TRPA1: variants seen among roughly 807,000 people sequenced by gnomAD.
TRPA1 encodes the protein ankyrin-like with transmembrane domains 1.
Under a neutral mutation model 131.3 loss-of-function variants are expected in TRPA1, and 129 were observed. The observed-to-expected ratio is 0.98, with a 90% confidence interval of 0.85 to 1.14. The LOEUF (loss-of-function observed/expected upper bound fraction) is 1.14, where lower values mean the gene tolerates loss of function less well. Ranked by LOEUF, TRPA1 falls within the 50% of genes most tolerant of loss-of-function variation. The pLI is 0.00. For missense variants in TRPA1, 1,304 were observed against 1,354.2 expected (o/e 0.96, Z 0.58); for synonymous variants, 441 against 451.7 (o/e 0.98, Z 0.30).
intron 7 of TRPA1, chr8:72,060,486 T>A (rs940863378): frequency 3.3e-5 from 5 of 152,196 alleles, no homozygotes; most frequent in Admixed American, 6.5e-5. Context: ...ATGGCTTTTT[T>A]AACTTATTTT....
Position 72,053,871 on chromosome 8 carries a change from G to A in TRPA1, c.1530-4C>T, listed in dbSNP as rs763912417. 4 of 1,608,084 alleles carry A rather than the reference G, an allele frequency of 2.5e-6. No individual in the cohort carries two copies. In the Admixed American group the frequency reaches 5.0e-5, roughly 20 times the overall value. On this transcript the variant is annotated splice_region_variant and splice_polypyrimidine_tract_variant and intron_variant, in intron 12 of 26. Transcript: ENST00000262209. ...AGCTGTCCAGCCATTGTGGTCACTG[G>A]TAAAGAGTTAAGAAAAGATGTGTGC...
chr8:72,029,772 G>C, intron 24 of TRPA1, 129 bp downstream of exon 24: 1 of 923,336 alleles, frequency 1.1e-6, no homozygotes, highest in Non-Finnish European at 1.7e-6. Flanking sequence ...ATACTTTACA[G>C]TGTAAGTAGT....
At chr8:72,077,284 CA>C (rs1806206041), upstream of TRPA1, among the ~76,000 whole-genome samples, 1 of 23,084 alleles carries the variant, frequency 4.3e-5, no homozygotes, top group Admixed American at 5.5e-4. Context: ...CAGGGGGTGA[CA>C]GGGGTGGGGG....
chr8:72,044,701 A>G (rs1812368386), intron 17 of TRPA1, among the ~76,000 whole-genome samples: 1 of 151,870 alleles, frequency 6.6e-6, no homozygotes, highest in Non-Finnish European at 1.5e-5. Flanking sequence ...TATGTTCTCT[A>G]TTTGGTGCAT....
chr8:72,029,996 C>G (rs529215960), intron 23 of TRPA1, 27 bp from the exon 24 acceptor site: 1 of 1,602,750 alleles, frequency 6.2e-7, no homozygotes, highest in Non-Finnish European at 8.5e-7. Context: ...AATTAAATCA[C>G]TACAGTTGAA....
At chr8:72,047,247 C>T (rs753003899) in intron 15 of TRPA1, 40 bp from the exon 16 acceptor site, 8 of 1,404,398 alleles carry the variant, frequency 5.7e-6, no homozygotes, top group Non-Finnish European at 7.1e-6. Context: ...TGGGGCAGTA[C>T]ACTACATATT....
chr8:72,022,698 T>C lies in TRPA1; in HGVS notation c.*208A>G. 1.6e-6 allele frequency: 1 copy of C among 623,346 alleles called. No homozygotes were observed. Among genetic ancestry groups the C allele is most frequent in the Middle Eastern group, 4.4e-4 (1 of 2,292 alleles). 38.6% of individuals were successfully genotyped at this position (623,346 alleles called of 1,614,324 possible). A position where few individuals can be genotyped will look rare whatever the true frequency, so the allele number is the denominator to read the frequency against. ...CAAAGTCCAGTCCAATTTGAACATA[T>C]CTGCAAAGATATCCCCAATACATAG... is the stretch of plus-strand genomic sequence containing the variant. On this transcript the variant is annotated 3_prime_UTR_variant, in exon 27 of 27. Coordinates refer to ENST00000262209, the MANE Select transcript of TRPA1 (RefSeq NM_007332.3).
chr8:72,061,749 T>G lies in TRPA1; in HGVS notation c.820A>C (p.Thr274Pro). Residue 274 changes from threonine (T) to proline (P), a missense_variant, in exon 7 of 27, where the codon ACA becomes CCA. Coordinates refer to ENST00000262209, the MANE Select transcript of TRPA1 (RefSeq NM_007332.3). ...QIDPVEKGRCTAIHFAATQGA... is the reference protein window; with the variant it reads ...QIDPVEKGRCPAIHFAATQGA... ...TGGGTGGCAGCAAAATGAATGGCTG[T>G]GCACCTTCCCTTCTGTAAAGGGTTT... 6.2e-7 allele frequency: 1 copy of G among 1,613,984 alleles called. No homozygotes were observed. Among genetic ancestry groups the G allele is most frequent in the Non-Finnish European group, 8.5e-7 (1 of 1,179,918 alleles).
intron 25 of TRPA1, among the ~76,000 whole-genome samples, chr8:72,025,214 G>A (rs182183453): frequency 8.5e-5 from 13 of 152,092 alleles, no homozygotes; most frequent in Admixed American, 8.5e-4. Flanking sequence ...CGTGTCAAGG[G>A]AAAGACTGGG....
At chr8:72,064,611 G>T (rs1585885494) in intron 4 of TRPA1, among the ~76,000 whole-genome samples, 1 of 151,598 alleles carries the variant, frequency 6.6e-6, no homozygotes, top group East Asian at 1.9e-4. Flanking sequence ...ATCTAGTAAA[G>T]GTGCTAAAAC....
At chr8:72,083,893 C>T in the TRPA1 span, among the ~76,000 whole-genome samples, 1 of 151,946 alleles carries the variant, frequency 6.6e-6, no homozygotes, top group African/African-American at 2.4e-5. Flanking sequence ...ATCCTGAATT[C>T]TTAGGGTCAT....
rs113561583 is a variant in TRPA1, at chr8:72,061,469, C to T, written c.944+156G>A. Among the ~76,000 whole-genome samples, 1,217 of 152,294 alleles carry T rather than the reference C, an allele frequency of 8.0e-3. 22 individuals carry two copies. Among genetic ancestry groups the T allele is most frequent in the African/African-American group, 0.027 (1,122 of 41,572 alleles). ...TACTCCCATTCCCAAGGAACATACG[C>T]GATTCCGGTTGATCCACAGGGTCTT... On this transcript the variant is annotated intron_variant, in intron 7 of 26. Coordinates refer to ENST00000262209, the MANE Select transcript of TRPA1 (RefSeq NM_007332.3).
upstream of TRPA1, among the ~76,000 whole-genome samples, chr8:72,078,607 A>C (rs2129437328): frequency 6.6e-6 from 1 of 152,250 alleles, no homozygotes; most frequent in South Asian, 2.1e-4. Context: ...TTTATTGATC[A>C]ATAGTATTCC....
In TRPA1 at chr8:72,050,778, C is replaced by T; in HGVS notation, c.1905G>A (p.Lys635=). 1 of 1,602,500 alleles carries T rather than the reference C, an allele frequency of 6.2e-7. No individual in the cohort carries two copies. Among genetic ancestry groups the T allele is most frequent in the South Asian group, 1.1e-5 (1 of 90,844 alleles). ...AAGAATTTTGTTTTAGAGAATTTACCTTCATGCATTCAGGGAGGTATTCTA... is the reference window on the plus strand; with the variant it reads ...AAGAATTTTGTTTTAGAGAATTTACTTTCATGCATTCAGGGAGGTATTCTA... ...EMIEYLPECM[K]VLLDFCMLHS... is the part of the protein sequence containing the mutation. The change falls in exon 15 of 27, where the codon AAG becomes AAA. Residue 635 remains lysine, a splice_region_variant and synonymous_variant. Transcript: ENST00000262209.
At chr8:72,030,335 A>G (rs1223038302) in intron 23 of TRPA1, among the ~76,000 whole-genome samples, 2 of 152,094 alleles carry the variant, frequency 1.3e-5, no homozygotes, top group East Asian at 1.9e-4. Context: ...TTCTAATGCC[A>G]TCTTCTTGGT....
In TRPA1 at chr8:72,029,980, A is replaced by G; in HGVS notation, c.2869-11T>C. Reference sequence around the variant, plus strand: ...AACTGCCAAACCAATCTGAAGTATGACACAAAATTAAATCACTACAGTTGA... The same window carrying G: ...AACTGCCAAACCAATCTGAAGTATGGCACAAAATTAAATCACTACAGTTGA... On this transcript the variant is annotated splice_polypyrimidine_tract_variant and intron_variant, in intron 23 of 26. Transcript: ENST00000262209. The G allele has an allele frequency of 3.1e-6, 5 of 1,612,290 alleles. No homozygotes were observed. Among genetic ancestry groups the G allele is most frequent in the Non-Finnish European group, 4.2e-6 (5 of 1,178,360 alleles).
Position 72,065,523 on chromosome 8 carries a change from C to CA in TRPA1, c.479dup (p.Leu160PhefsTer18), listed in dbSNP as rs769460146. ...CAGCTGTGTTTCCATTTTCTCCTTC[C>CA]AAATTAACATCAATAGTTCTATGCT... On this transcript the variant is annotated frameshift_variant, in exon 4 of 27. Transcript: ENST00000262209. LOFTEE classifies it high-confidence loss of function. 1 of 1,613,428 alleles carries CA rather than the reference C, an allele frequency of 6.2e-7. No individual in the cohort carries two copies. The highest frequency in any genetic ancestry group is 1.1e-5 in the South Asian group (1 of 91,072).
chr8:72,069,372 T>G (rs993312046), intron 2 of TRPA1, among the ~76,000 whole-genome samples, 174 bp from the exon 3 acceptor site: 1 of 152,194 alleles, frequency 6.6e-6, no homozygotes, highest in Non-Finnish European at 1.5e-5. Context: ...GGGAACCTAG[T>G]GGGAATATAT....
chr8:72,063,484 T>C lies in TRPA1; in HGVS notation c.640A>G (p.Met214Val), dbSNP rs144071964. 2 of 1,612,942 alleles carry C rather than the reference T, an allele frequency of 1.2e-6. No individual in the cohort carries two copies. The highest frequency in any genetic ancestry group is 1.7e-6 in the Non-Finnish European group (2 of 1,179,170). ...QAAFSGSKECMEIILRFGEEH... is the reference protein window; with the variant it reads ...QAAFSGSKECVEIILRFGEEH... ...TCACCAAACCTTAGTATTATTTCCA[T>C]GCATTCTTTGGAACCTGAAAATGCA... Residue 214 changes from methionine (M) to valine (V), a missense_variant, in exon 5 of 27, where the codon ATG (methionine) becomes GTG (valine). Transcript: ENST00000262209.
Sources: allele counts gnomAD v4.1 joint callset (sites outside exome capture counted in the v4.1 genomes callset), GRCh38; gene constraint gnomAD v4.1.1; transcripts MANE v1.5; gene names NCBI Gene and HGNC (gene_info 2026-07-23, HGNC 2026-07-21).